IQSEC2: variants seen among roughly 807,000 people sequenced by gnomAD.
The protein encoded by IQSEC2 is IQ motif and Sec7 domain ArfGEF 2, also known as IQ motif and SEC7 domain-containing protein 2.
IQSEC2 carries 6 observed loss-of-function variants against 74.6 expected under a neutral mutation model. The ratio of observed to expected loss-of-function variants is 0.08; its 90% CI spans 0.04 to 0.16. The LOEUF (loss-of-function observed/expected upper bound fraction) is 0.16. Ranked by LOEUF, IQSEC2 falls within the 10% of genes least tolerant of loss-of-function variation. The pLI is 1.00. For missense variants in IQSEC2, 734 were observed against 1,306.2 expected (o/e 0.56, Z 6.75); for synonymous variants, 494 against 544.5 (o/e 0.91, Z 1.29).
intron 2 of IQSEC2, among the ~76,000 whole-genome samples, chrX:53,288,136 C>G (rs2075051850): frequency 8.9e-6 from 1 of 111,801 alleles, no homozygotes; most frequent in African/African-American, 3.3e-5. Context: ...GGAGGTGATG[C>G]AGCTGGATGG....
Position 53,243,462 on chromosome X carries a change from T to C in IQSEC2, c.2759A>G (p.Asn920Ser). The C allele has an allele frequency of 8.5e-7, 1 of 1,176,903 alleles. No homozygotes were observed. Among genetic ancestry groups the C allele is most frequent in the Non-Finnish European group, 1.1e-6 (1 of 876,848 alleles). ...GAGGTCTCGGGGGATGTCTTCACCA[T>C]TGTCAACCCCTGGGGGAGGGAGTAA... ...DFIKNLRGVDNGEDIPRDLLV... is the reference protein window; with the variant it reads ...DFIKNLRGVDSGEDIPRDLLV... Residue 920 changes from asparagine to serine, a missense_variant, in exon 9 of 15, where the codon AAT (asparagine) becomes AGT (serine). Coordinates refer to ENST00000642864, the MANE Select transcript of IQSEC2 (RefSeq NM_001111125.3).
intron 10 of IQSEC2, among the ~76,000 whole-genome samples, chrX:53,240,177 G>A (rs979287849): frequency 8.9e-6 from 1 of 112,104 alleles, no homozygotes; most frequent in Non-Finnish European, 1.9e-5. Flanking sequence ...CACAGAGGAG[G>A]AAACTAAGGC....
chrX:53,279,529 G>A (rs1556870269), intron 2 of IQSEC2: 4 of 879,506 alleles, frequency 4.5e-6, no homozygotes, highest in Non-Finnish European at 6.7e-6. Flanking sequence ...TCTGGAAGGA[G>A]GAGGAATTGG....
chrX:53,292,004 G>T, intron 1 of IQSEC2, 80 bp from the exon 2 acceptor site: 1 of 908,170 alleles, frequency 1.1e-6, no homozygotes, highest in Non-Finnish European at 1.5e-6. Context: ...GAGTGGCTTT[G>T]GGGGGCCTTG....
chrX:53,291,930 A>G lies in IQSEC2; in HGVS notation c.708-6T>C, dbSNP rs782195025. 1.8e-5 allele frequency: 21 copies of G among 1,163,603 alleles called. No homozygotes were observed. Among genetic ancestry groups the G allele is most frequent in the Non-Finnish European group, 2.3e-5 (20 of 870,590 alleles). ...TGGAATTCTCACCATCAGATCTGAA[A>G]GGGAAACAGAGAAAAAAAACCAAAA... On this transcript the variant is annotated splice_polypyrimidine_tract_variant and splice_region_variant and intron_variant, in intron 1 of 14. Coordinates refer to ENST00000642864, the MANE Select transcript of IQSEC2 (RefSeq NM_001111125.3).
rs1194503011 is a variant in IQSEC2, at chrX:53,285,222, C to T, written c.737+6673G>A. Among the ~76,000 whole-genome samples the T allele has an allele frequency of 3.6e-5, 4 of 111,851 alleles. No homozygotes were observed. In the East Asian group the frequency reaches 8.5e-4, roughly 24 times the overall value. ...CCTCAGGCTGGGTTGGGTATATTTC[C>T]GTGGTGCTCCCACAGCACCCTGCAC... On this transcript the variant is annotated intron_variant, in intron 2 of 14. Transcript: ENST00000642864.
At chrX:53,263,982 G>A (rs1288703737) in intron 2 of IQSEC2, among the ~76,000 whole-genome samples, 1 of 112,411 alleles carries the variant, frequency 8.9e-6, no homozygotes, top group Non-Finnish European at 1.9e-5. Flanking sequence ...GAAGACCACA[G>A]GTAGAAATCA....
rs2074364831 is a variant in IQSEC2 at position 53,250,263 on chromosome X, A to G, written c.2297+16T>C. 1.7e-6 allele frequency: 2 copies of G among 1,209,739 alleles called. No individual in the cohort carries two copies. The highest frequency in any genetic ancestry group is 2.2e-6 in the Non-Finnish European group (2 of 894,824). The stretch of plus-strand genomic sequence containing the variant: ...GGGTAGGAAGGGGTAAGCAGGCTAG[A>G]ACGGGGAGCACGCACTTGTTGAAGA... On this transcript the variant is annotated intron_variant, in intron 5 of 14. Transcript: ENST00000642864.
At chrX:53,316,819 ACAAAC>A (rs1402379416) in intron 1 of IQSEC2, among the ~76,000 whole-genome samples, 1 of 106,995 alleles carries the variant, frequency 9.3e-6, no homozygotes, top group Admixed American at 9.9e-5. Context: ...TGTCCCAAAA[ACAAAC>A]CAAAACCAAA....
At chrX:53,315,689 G>A (rs1341706393) in intron 1 of IQSEC2, among the ~76,000 whole-genome samples, 5 of 112,429 alleles carry the variant, frequency 4.4e-5, no homozygotes, top group African/African-American at 1.6e-4. Flanking sequence ...ATAGTGCTTA[G>A]CACACAGTAA....
chrX:53,316,561 G>A (rs782264172), intron 1 of IQSEC2, among the ~76,000 whole-genome samples: 3 of 111,311 alleles, frequency 2.7e-5, no homozygotes, highest in Non-Finnish European at 3.8e-5. Context: ...TGGGCCGGGC[G>A]TGGTGGCTCA....
intron 1 of IQSEC2, among the ~76,000 whole-genome samples, chrX:53,309,090 C>G (rs1602370094): frequency 1.2e-5 from 1 of 83,838 alleles, no homozygotes; most frequent in Non-Finnish European, 2.2e-5. Context: ...GACCACTGAG[C>G]AAGACCCTGT....
chrX:53,315,123 G>A (rs1480677957), intron 1 of IQSEC2, among the ~76,000 whole-genome samples: 1 of 112,186 alleles, frequency 8.9e-6, no homozygotes, highest in African/African-American at 3.2e-5. Context: ...GGGCGCAGTG[G>A]CTCATGCCTG....
chrX:53,236,382 C>G lies in IQSEC2; in HGVS notation c.3391G>C (p.Ala1131Pro). The G allele has an allele frequency of 8.3e-7, 1 of 1,208,740 alleles. No homozygotes were observed. Among genetic ancestry groups the G allele is most frequent in the Non-Finnish European group, 1.1e-6 (1 of 893,891 alleles). The change falls in exon 13 of 15, where the codon GCA (alanine) becomes CCA (proline). Residue 1131 changes from alanine (A) to proline (P), a missense_variant. Physicochemically the swap from Ala to Pro is conservative, Grantham distance 27. This residue lies in a region of IQSEC2 where 249 missense variants were observed against 467.9 expected (regional missense o/e 0.53). Transcript: ENST00000642864. ...ARSSLEDTYG[A>P]GDGLKRGALS... ...GCGCCCCGTTTGAGCCCATCGCCTGCCCCGTAAGTGTCCTCCAGGCTACTG... is the reference window on the plus strand; with the variant it reads ...GCGCCCCGTTTGAGCCCATCGCCTGGCCCGTAAGTGTCCTCCAGGCTACTG...
intron 2 of IQSEC2, among the ~76,000 whole-genome samples, chrX:53,280,658 C>T (rs373135234): frequency 1.8e-5 from 2 of 110,426 alleles, no homozygotes; most frequent in South Asian, 3.9e-4. Flanking sequence ...GATGCTGTGC[C>T]CCCACCACCC....
chrX:53,248,292 A>T, intron 6 of IQSEC2, 56 bp from the exon 7 acceptor site: 2 of 1,178,969 alleles, frequency 1.7e-6, no homozygotes, highest in Non-Finnish European at 2.3e-6. Flanking sequence ...AAAACCTCTG[A>T]CCCACCTGGA....
At chrX:53,266,719 C>T in intron 2 of IQSEC2, 1 of 939,995 alleles carries the variant, frequency 1.1e-6, no homozygotes, top group Non-Finnish European at 1.3e-6. Flanking sequence ...CTGCTTCTCC[C>T]ACATTTTAGT....
chrX:53,293,669 C>T (rs1412547961), intron 1 of IQSEC2, among the ~76,000 whole-genome samples: 2 of 111,036 alleles, frequency 1.8e-5, no homozygotes, highest in Admixed American at 9.6e-5. Context: ...CACCCACCTA[C>T]CCCCAAACCC....
chrX:53,235,032 G>C lies in IQSEC2; in HGVS notation c.3654C>G (p.Phe1218Leu). The change falls in exon 15 of 15, where the codon TTC becomes TTG. Residue 1218 changes from phenylalanine (F) to leucine (L), a missense_variant. Physicochemically the swap from Phe to Leu is conservative, Grantham distance 22 (BLOSUM62 0). Transcript: ENST00000642864. ...GGCCTGTTGGCGGTGGTGGCATCTG[G>C]AAGGGCCCCTTGCCCCGCTTGCTTC... ...LFGSKRGKGPFQMPPPPTGQA... is the reference protein window; with the variant it reads ...LFGSKRGKGPLQMPPPPTGQA... 2 of 1,165,300 alleles carry C rather than the reference G, an allele frequency of 1.7e-6. No homozygotes were observed. The highest frequency in any genetic ancestry group is 2.3e-6 in the Non-Finnish European group (2 of 872,209).
Sources: allele counts gnomAD v4.1 joint callset (sites outside exome capture counted in the v4.1 genomes callset), GRCh38; gene constraint gnomAD v4.1.1; regional missense constraint gnomAD v4.1.1; transcripts MANE v1.5; gene names NCBI Gene and HGNC (gene_info 2026-07-23, HGNC 2026-07-21).